AGBL1: variants seen among roughly 807,000 people sequenced by gnomAD.
AGBL1 encodes AGBL carboxypeptidase 1, also known as cytosolic carboxypeptidase 4.
A neutral mutation model predicts 118.9 loss-of-function variants in AGBL1; 130 were observed. The ratio of observed to expected loss-of-function variants is 1.09; its 90% CI spans 0.95 to 1.26. The LOEUF (loss-of-function observed/expected upper bound fraction) is 1.26, where lower values mean the gene tolerates loss of function less well. AGBL1 is among the 50% of genes most tolerant of loss of function. AGBL1 has a pLI of 0.00. For synonymous variants in AGBL1, 555 were observed against 478.9 expected, an observed-to-expected ratio of 1.16 and a Z score of -2.08; for missense variants, 1,584 against 1,298.1, an observed-to-expected ratio of 1.22 and a Z score of -3.38.
At chr15:86,557,208 C>A (rs1447785696) in intron 21 of AGBL1, among the ~76,000 whole-genome samples, 1 of 152,018 alleles carries the variant, frequency 6.6e-6, no homozygotes, top group Non-Finnish European at 1.5e-5. Context: ...AGGGATGGGC[C>A]CAAAGCTATT....
chr15:86,836,060 C>G (rs1038020339), intron 22 of AGBL1, among the ~76,000 whole-genome samples: 4 of 152,276 alleles, frequency 2.6e-5, no homozygotes, highest in Admixed American at 2.0e-4. Context: ...ATTCTGCAGT[C>G]TTAGAAAGAA....
intron 22 of AGBL1, among the ~76,000 whole-genome samples, chr15:86,806,214 G>A (rs2078711840): frequency 6.6e-6 from 1 of 152,048 alleles, no homozygotes; most frequent in African/African-American, 2.4e-5. Context: ...AGATGATGAG[G>A]ACATAGACAT....
chr15:86,897,814 G>T (rs1309576576), intron 22 of AGBL1, among the ~76,000 whole-genome samples: 1 of 124,780 alleles, frequency 8.0e-6, no homozygotes, highest in East Asian at 2.3e-4. Context: ...CTGTCACCCA[G>T]GCTGAAGCGC....
At chr15:86,589,878 G>A (rs1054683408) in intron 21 of AGBL1, among the ~76,000 whole-genome samples, 2 of 152,140 alleles carry the variant, frequency 1.3e-5, no homozygotes, top group East Asian at 3.9e-4. Context: ...ATTTCTGTAT[G>A]CATTTCCTAA....
intron 22 of AGBL1, among the ~76,000 whole-genome samples, chr15:86,773,360 G>A (rs985103405): frequency 6.6e-6 from 1 of 151,980 alleles, no homozygotes; most frequent in Admixed American, 6.6e-5. Context: ...TTCTCTCTCC[G>A]GAAATCTAAC....
chr15:86,356,162 T>G (rs568085214), intron 17 of AGBL1, among the ~76,000 whole-genome samples: 1 of 152,146 alleles, frequency 6.6e-6, no homozygotes, highest in African/African-American at 2.4e-5. Flanking sequence ...GGCCATTTGT[T>G]GAGGCTGGGA....
At chr15:86,934,431 A>C (rs532489018) in intron 23 of AGBL1, among the ~76,000 whole-genome samples, 1 of 152,276 alleles carries the variant, frequency 6.6e-6, no homozygotes, top group Non-Finnish European at 1.5e-5. Context: ...ATATTCCCTC[A>C]TCTGAACCAG....
intron 23 of AGBL1, among the ~76,000 whole-genome samples, chr15:86,963,061 C>T (rs565109063): frequency 6.6e-6 from 1 of 152,006 alleles, no homozygotes; most frequent in Non-Finnish European, 1.5e-5. Flanking sequence ...ATTAAAATAT[C>T]ATGTAAGCCT....
intron 22 of AGBL1, among the ~76,000 whole-genome samples, chr15:86,696,800 A>G (rs2086270520): frequency 1.3e-5 from 2 of 152,012 alleles, no homozygotes; most frequent in East Asian, 1.9e-4. Context: ...TGGTAGCAGC[A>G]AATTTCTCTC....
chr15:86,338,434 G>A (rs2080407985), intron 17 of AGBL1, among the ~76,000 whole-genome samples: 1 of 152,000 alleles, frequency 6.6e-6, no homozygotes, highest in Admixed American at 6.6e-5. Flanking sequence ...GAGTGATTTG[G>A]CACCATTGGT....
At chr15:86,655,209 G>A (rs543243873) in intron 21 of AGBL1, among the ~76,000 whole-genome samples, 1 of 152,244 alleles carries the variant, frequency 6.6e-6, no homozygotes, top group East Asian at 1.9e-4. Context: ...GGTGTGCAGG[G>A]CATTCAAACA....
chr15:86,202,259 C>G (rs769671473), intron 5 of AGBL1, among the ~76,000 whole-genome samples: 68 of 152,200 alleles, frequency 4.5e-4, no homozygotes, highest in Non-Finnish European at 6.9e-4. Flanking sequence ...TGCCACTACA[C>G]TTCAGCCTGG....
chr15:86,778,410 G>A (rs1389986636), intron 22 of AGBL1, among the ~76,000 whole-genome samples: 2 of 152,144 alleles, frequency 1.3e-5, no homozygotes, highest in Non-Finnish European at 2.9e-5. Context: ...ATAAGACTGG[G>A]AGTGCTACGG....
At chr15:86,158,354 C>A (rs972671795) in intron 4 of AGBL1, among the ~76,000 whole-genome samples, 3 of 152,166 alleles carry the variant, frequency 2.0e-5, no homozygotes, top group Non-Finnish European at 4.4e-5. Flanking sequence ...TTCCCACTCA[C>A]TTTTCTCAGA....
intron 17 of AGBL1, among the ~76,000 whole-genome samples, chr15:86,367,478 T>G (rs992539420): frequency 2.6e-5 from 4 of 151,768 alleles, no homozygotes; most frequent in Non-Finnish European, 5.9e-5. Flanking sequence ...GGGGGCAGGG[T>G]GGTGGTGGTG....
At chr15:86,765,067 TATGACTTGA>T (rs1403403581) in intron 22 of AGBL1, among the ~76,000 whole-genome samples, 2 of 151,910 alleles carry the variant, frequency 1.3e-5, no homozygotes, top group Non-Finnish European at 2.9e-5. Flanking sequence ...AGGTATAGTT[TATGACTTGA>T]ATGAAACTTA....
In AGBL1 at chr15:86,571,888, C is replaced by T. The variant is rs572101506; in HGVS notation, c.2994+17351C>T. 3.7e-4 allele frequency among the ~76,000 whole-genome samples: 57 copies of T among 152,306 alleles called. 1 individual carries two copies. Among genetic ancestry groups the T allele is most frequent in the Admixed American group, 3.5e-3 (54 of 15,310 alleles). ...GGACCTGCCTCCTTCGCCCAGGAAACTGCCTCCTGCCGCTGTTCTCCACAC... is the reference window on the plus strand; with the variant it reads ...GGACCTGCCTCCTTCGCCCAGGAAATTGCCTCCTGCCGCTGTTCTCCACAC... On this transcript the variant is annotated intron_variant, in intron 21 of 22. Transcript: ENST00000614907.
At chr15:86,503,667 A>G (rs996642692) in intron 18 of AGBL1, among the ~76,000 whole-genome samples, 1 of 151,348 alleles carries the variant, frequency 6.6e-6, no homozygotes, top group African/African-American at 2.4e-5. Context: ...TCTAATTTAT[A>G]TTGTAATTTC....
chr15:86,225,656 G>A (rs994097796), intron 6 of AGBL1, among the ~76,000 whole-genome samples: 1 of 152,048 alleles, frequency 6.6e-6, no homozygotes, highest in Non-Finnish European at 1.5e-5. Flanking sequence ...GAGGGAAGAA[G>A]TCTTAGCTTA....
Sources: allele counts gnomAD v4.1 joint callset (sites outside exome capture counted in the v4.1 genomes callset), GRCh38; gene constraint gnomAD v4.1.1; transcripts MANE v1.5; gene names NCBI Gene and HGNC (gene_info 2026-07-23, HGNC 2026-07-21).